The following BCAR3 variants were observed in gnomAD, a reference collection of about 807,000 sequenced individuals.
BCAR3 encodes the protein breast cancer anti-estrogen resistance protein 3.
BCAR3 carries 37 observed loss-of-function variants against 80.1 expected under a neutral mutation model. The observed-to-expected ratio is 0.46, with a 90% CI of 0.36 to 0.61. The LOEUF (loss-of-function observed/expected upper bound fraction) is 0.61, where lower values mean the gene tolerates loss of function less well. Ranked by LOEUF, BCAR3 falls within the 20% of genes least tolerant of loss-of-function variation. BCAR3 has a pLI of 0.00. For missense variants in BCAR3, 978 were observed against 1,068.2 expected (o/e 0.92, Z 1.18); for synonymous variants, 389 against 418.9 (o/e 0.93, Z 0.87).
chr1:93,714,941 A>T (rs1396580125), intron 2 of BCAR3, among the ~76,000 whole-genome samples: 2 of 152,120 alleles, frequency 1.3e-5, no homozygotes, highest in Admixed American at 6.5e-5. Flanking sequence ...TGAAAATAAA[A>T]TCTCCCATTC....
At chr1:93,704,815 T>C (rs1041219430) in intron 3 of BCAR3, among the ~76,000 whole-genome samples, 1 of 152,226 alleles carries the variant, frequency 6.6e-6, no homozygotes, top group African/African-American at 2.4e-5. Flanking sequence ...GCAATTCTTC[T>C]TCTTTTTAAA....
chr1:93,582,586 A>C lies in BCAR3; in HGVS notation c.1401T>G (p.Gly467=). 6.2e-7 allele frequency: 1 copy of C among 1,613,346 alleles called. No homozygotes were observed. The highest frequency in any genetic ancestry group is 8.5e-7 in the Non-Finnish European group (1 of 1,179,782). ...AGTAGTTGACGCCAGAGTTCCGGGGACCTGGCGCCTCATTCTGCTTGGCTG... is the reference window on the plus strand; with the variant it reads ...AGTAGTTGACGCCAGAGTTCCGGGGCCCTGGCGCCTCATTCTGCTTGGCTG... ...LLTAKQNEAP[G]PRNSGVNYLI... Residue 467 remains glycine, a synonymous_variant, in exon 7 of 12, where the codon GGT becomes GGG. Coordinates refer to ENST00000260502, the MANE Select transcript of BCAR3 (RefSeq NM_003567.4).
At position 93,716,682 on chromosome 1, in the gene BCAR3, T is replaced by C. The variant is rs977978008; in HGVS notation, c.-62-10540A>G. On this transcript the variant is annotated intron_variant, in intron 2 of 13. Transcript: ENST00000370244. ...GTGCCTCATGAGCAGGTGACCACCA[T>C]AGGAAACTTGGGTTCAATCTCCCAC... 5.9e-5 allele frequency among the ~76,000 whole-genome samples: 9 copies of C among 152,330 alleles called. No homozygotes were observed. The East Asian group carries it at 1.5e-3, about 26-fold the overall frequency.
chr1:93,847,505 G>A (rs1322916419), upstream of BCAR3: 1 of 152,686 alleles, frequency 6.5e-6, no homozygotes, highest in African/African-American at 2.4e-5. Context: ...GACGGGAGGC[G>A]CGGTCGGAAG....
At chr1:93,775,757 G>A (rs1011912226) in intron 2 of BCAR3, among the ~76,000 whole-genome samples, 2 of 152,154 alleles carry the variant, frequency 1.3e-5, no homozygotes, top group Non-Finnish European at 1.5e-5. Context: ...GAAAAAAAGC[G>A]AAGTTGCAAA....
chr1:93,797,311 T>C lies in BCAR3; in HGVS notation c.-63+48256A>G, dbSNP rs181475266. ...TGAAAGAGTATGCTTTTTATTCTAC[T>C]TAGGTTGGTAAGTATCAACTTTTCT... On this transcript the variant is annotated intron_variant, in intron 2 of 13. Coordinates refer to the BCAR3 transcript ENST00000370244. Among the ~76,000 whole-genome samples, 78 of 152,322 alleles carry C rather than the reference T, an allele frequency of 5.1e-4. 2 individuals carry two copies. The highest frequency in any genetic ancestry group is 9.6e-4 in the East Asian group (5 of 5,186).
chr1:93,814,725 G>T (rs528308139), intron 2 of BCAR3, among the ~76,000 whole-genome samples: 32 of 152,330 alleles, frequency 2.1e-4, no homozygotes, highest in African/African-American at 7.5e-4. Flanking sequence ...GCTGCTCCCA[G>T]GCTGATGATG....
chr1:93,667,677 C>T (rs1647990624), intron 2 of BCAR3, among the ~76,000 whole-genome samples: 1 of 152,222 alleles, frequency 6.6e-6, no homozygotes, highest in Non-Finnish European at 1.5e-5. Flanking sequence ...GTCCTTCAAA[C>T]AAGGCCCTAT....
At chr1:93,698,199 G>A (rs951232058) in intron 3 of BCAR3, among the ~76,000 whole-genome samples, 3 of 152,192 alleles carry the variant, frequency 2.0e-5, no homozygotes, top group Non-Finnish European at 4.4e-5. Context: ...GCTCAGCCAA[G>A]GGGGCAACTG....
chr1:93,822,056 T>C (rs1654241256), intron 2 of BCAR3, among the ~76,000 whole-genome samples: 1 of 152,080 alleles, frequency 6.6e-6, no homozygotes, highest in Non-Finnish European at 1.5e-5. Flanking sequence ...AGAGTGTTAG[T>C]ATAGCAAGGG....
Position 93,588,837 on chromosome 1 carries a change from C to T in BCAR3, c.929+140G>A, listed in dbSNP as rs79251495. Reference sequence around the variant, plus strand: ...GCTGGGAGCTAATTGTTCACTGCCTCGTGACAGCTATTCTGCGAACAGTCG... The same window carrying T: ...GCTGGGAGCTAATTGTTCACTGCCTTGTGACAGCTATTCTGCGAACAGTCG... On this transcript the variant is annotated intron_variant, in intron 5 of 11. Coordinates refer to ENST00000260502, the MANE Select transcript of BCAR3 (RefSeq NM_003567.4). The T allele has an allele frequency of 2.4e-3, 2,371 of 970,722 alleles. 43 individuals carry two copies. In the East Asian group the frequency reaches 0.043, roughly 18 times the overall value. The allele number at this position is 970,722 out of a possible 1,614,324, so 60.1% of individuals were successfully genotyped here. A position where few individuals can be genotyped will look rare whatever the true frequency, so the allele number is the denominator to read the frequency against.
intron 2 of BCAR3, among the ~76,000 whole-genome samples, chr1:93,833,431 T>C (rs917119239): frequency 1.3e-5 from 2 of 152,148 alleles, no homozygotes; most frequent in African/African-American, 4.8e-5. Context: ...AGAGGACCAG[T>C]CTGACTAGAA....
chr1:93,591,264 C>A (rs1302682607), intron 4 of BCAR3, among the ~76,000 whole-genome samples: 2 of 148,282 alleles, frequency 1.3e-5, no homozygotes, highest in Admixed American at 6.7e-5. Flanking sequence ...CACTTGAGGG[C>A]AGGAGTTCGA....
intron 2 of BCAR3, among the ~76,000 whole-genome samples, chr1:93,644,019 C>T (rs769961462): frequency 6.6e-6 from 1 of 151,488 alleles, no homozygotes. Flanking sequence ...TTTTATTTAA[C>T]CCTATATATC....
At chr1:93,579,410 C>G (rs2101824165) in intron 7 of BCAR3, among the ~76,000 whole-genome samples, 1 of 152,324 alleles carries the variant, frequency 6.6e-6, no homozygotes, top group Non-Finnish European at 1.5e-5. Flanking sequence ...CAACATAGCC[C>G]TGCCCTGGGG....
chr1:93,645,638 TTGTGTG>T (rs71588504), intron 2 of BCAR3, among the ~76,000 whole-genome samples: 2 of 149,672 alleles, frequency 1.3e-5, no homozygotes, highest in Admixed American at 6.7e-5. Flanking sequence ...TACAGGATCT[TTGTGTG>T]TGTGTGTGTG....
chr1:93,740,693 C>G (rs1040406670), intron 2 of BCAR3, among the ~76,000 whole-genome samples: 5 of 152,228 alleles, frequency 3.3e-5, no homozygotes, highest in African/African-American at 9.6e-5. Context: ...AGTCGCTCAG[C>G]GGAGCAGAGG....
intron 2 of BCAR3, among the ~76,000 whole-genome samples, chr1:93,819,601 A>G (rs1654143530): frequency 6.6e-6 from 1 of 152,226 alleles, no homozygotes; most frequent in South Asian, 2.1e-4. Context: ...GTGGATTAAA[A>G]TTCTAATCCT....
chr1:93,825,310 C>T (rs1474535991), intron 2 of BCAR3, among the ~76,000 whole-genome samples: 1 of 133,158 alleles, frequency 7.5e-6, no homozygotes. Flanking sequence ...AGTGCACTCA[C>T]CATGGGCAGC....
Sources: allele counts gnomAD v4.1 joint callset (sites outside exome capture counted in the v4.1 genomes callset), GRCh38; gene constraint gnomAD v4.1.1; transcripts MANE v1.5; gene names NCBI Gene and HGNC (gene_info 2026-07-23, HGNC 2026-07-21).